KIAA1217: variants seen among roughly 807,000 people sequenced by gnomAD.
KIAA1217 encodes KIAA1217.
In KIAA1217, 88 loss-of-function variants were observed where a neutral mutation model predicts 163.9. The ratio of observed to expected loss-of-function variants is 0.54; its 90% CI spans 0.45 to 0.64. The LOEUF (loss-of-function observed/expected upper bound fraction) is 0.64. Among genes scored for constraint, KIAA1217 ranks in the 30% least tolerant of loss-of-function variants. The probability of loss-of-function intolerance (pLI) is 0.00; values close to 1 mark genes in which losing one functional copy is unlikely to be tolerated. For synonymous variants in KIAA1217, 903 were observed against 923.1 expected (o/e 0.98, Z 0.39); for missense variants, 2,372 against 2,475.0 (o/e 0.96, Z 0.88).
At chr10:24,173,704 C>T (rs914788669) in intron 2 of KIAA1217, among the ~76,000 whole-genome samples, 8 of 152,144 alleles carry the variant, frequency 5.3e-5, no homozygotes, top group African/African-American at 1.4e-4. Context: ...AATTGTTCCT[C>T]AATAATTCTA....
chr10:24,181,377 C>T (rs1310048423), intron 2 of KIAA1217, among the ~76,000 whole-genome samples: 4 of 152,098 alleles, frequency 2.6e-5, no homozygotes, highest in Non-Finnish European at 5.9e-5. Flanking sequence ...TGTAGAAAGG[C>T]TCTGAGGTGG....
intron 5 of KIAA1217, among the ~76,000 whole-genome samples, chr10:24,444,390 C>T (rs969438581): frequency 2.6e-5 from 4 of 152,202 alleles, no homozygotes; most frequent in African/African-American, 7.2e-5. Flanking sequence ...AGGAAGCTTT[C>T]GCTAATGCTC....
intron 1 of KIAA1217, among the ~76,000 whole-genome samples, chr10:23,736,316 T>A (rs2130799404): frequency 6.6e-6 from 1 of 152,344 alleles, no homozygotes; most frequent in Non-Finnish European, 1.5e-5. Flanking sequence ...GATTTAATTT[T>A]ATTTTTCCTA....
chr10:24,519,928 C>T (rs2070822224), intron 10 of KIAA1217, among the ~76,000 whole-genome samples, 195 bp from the exon 11 acceptor site: 1 of 152,168 alleles, frequency 6.6e-6, no homozygotes, highest in African/African-American at 2.4e-5. Context: ...CTTGTACCTG[C>T]CTCACACCAC....
intron 1 of KIAA1217, among the ~76,000 whole-genome samples, chr10:23,735,226 A>ATTTT (rs1838727636): frequency 6.6e-6 from 1 of 150,774 alleles, no homozygotes; most frequent in Non-Finnish European, 1.5e-5. Flanking sequence ...AAGCTGTATT[A>ATTTT]TTTTATTTAT....
chr10:23,923,408 G>A, intron 1 of KIAA1217, among the ~76,000 whole-genome samples: 1 of 152,184 alleles, frequency 6.6e-6, no homozygotes, highest in East Asian at 1.9e-4. Context: ...GCCCCTCAAA[G>A]ATGCCTACAT....
intron 1 of KIAA1217, among the ~76,000 whole-genome samples, chr10:23,887,944 A>G (rs1169626918): frequency 6.6e-6 from 1 of 151,950 alleles, no homozygotes; most frequent in Non-Finnish European, 1.5e-5. Context: ...TGAAATAGTT[A>G]TCTTTGTGAT....
At position 24,518,943 on chromosome 10, in the gene KIAA1217, C is replaced by T. The variant is rs1392402079; in HGVS notation, c.2178-1180C>T. Among the ~76,000 whole-genome samples the T allele has an allele frequency of 2.0e-5, 3 of 152,204 alleles. No individual in the cohort carries two copies. The South Asian group carries it at 6.2e-4, about 32-fold the overall frequency. The stretch of plus-strand genomic sequence containing the variant: ...TCAAAGACATCACCAAAAACTCCAT[C>T]CCACTTCTTGCAGGGGAGGAATTTG... On this transcript the variant is annotated intron_variant, in intron 10 of 20. Coordinates refer to ENST00000376454, the MANE Select transcript of KIAA1217 (RefSeq NM_019590.5).
chr10:24,074,763 G>A (rs144972450), intron 2 of KIAA1217, among the ~76,000 whole-genome samples: 317 of 143,884 alleles, frequency 2.2e-3, no homozygotes, highest in African/African-American at 7.1e-3. Flanking sequence ...GAGTGCAGTG[G>A]CCTGCACACT....
chr10:23,824,481 A>G (rs1837774744), intron 1 of KIAA1217, among the ~76,000 whole-genome samples: 1 of 147,934 alleles, frequency 6.8e-6, no homozygotes, highest in East Asian at 2.0e-4. Flanking sequence ...TACAAAAATT[A>G]GCTCAGCATG....
chr10:24,546,224 A>G lies in KIAA1217; in HGVS notation c.5732A>G (p.Lys1911Arg), dbSNP rs1564917748. The G allele has an allele frequency of 4.3e-6, 7 of 1,614,126 alleles. No individual in the cohort carries two copies. Among genetic ancestry groups the G allele is most frequent in the South Asian group, 1.1e-5 (1 of 91,080 alleles). Residue 1911 changes from lysine to arginine, a missense_variant, in exon 21 of 21, where the codon AAG becomes AGG. Lys to Arg is a conservative substitution (Grantham distance 26). Coordinates refer to ENST00000376454, the MANE Select transcript of KIAA1217 (RefSeq NM_019590.5). ...ASSVSLNQGA[K>R]GTRTIHTPSL... is the part of the protein sequence containing the mutation. ...TCCGTCTCACTGAATCAAGGTGCCA[A>G]GGGCACCAGGACCATCCATACTCCC...
intron 2 of KIAA1217, among the ~76,000 whole-genome samples, chr10:24,203,420 G>A (rs935462001): frequency 6.6e-6 from 1 of 152,124 alleles, no homozygotes; most frequent in African/African-American, 2.4e-5. Flanking sequence ...AGAGCCACAC[G>A]TTCGAGAATG....
chr10:23,739,166 C>T (rs1838967610), intron 1 of KIAA1217, among the ~76,000 whole-genome samples: 1 of 152,178 alleles, frequency 6.6e-6, no homozygotes, highest in South Asian at 2.1e-4. Flanking sequence ...TCAAATGCCA[C>T]ATATTCTCAC....
At chr10:24,009,392 T>A (rs1418783783) in intron 2 of KIAA1217, among the ~76,000 whole-genome samples, 4 of 151,614 alleles carry the variant, frequency 2.6e-5, no homozygotes, top group African/African-American at 7.3e-5. Context: ...TTTTTTTTTT[T>A]AAAGCCCAAA....
At chr10:24,423,324 G>A (rs548337240) in intron 3 of KIAA1217, among the ~76,000 whole-genome samples, 9 of 150,866 alleles carry the variant, frequency 6.0e-5, no homozygotes, top group South Asian at 2.1e-4. Context: ...TCAGTTTGTC[G>A]CCCAGGCTGG....
At chr10:24,128,704 A>T (rs2063550596) in intron 2 of KIAA1217, among the ~76,000 whole-genome samples, 1 of 152,190 alleles carries the variant, frequency 6.6e-6, no homozygotes, top group African/African-American at 2.4e-5. Flanking sequence ...TCCCAGGAGA[A>T]ATGGAGCACA....
intron 1 of KIAA1217, among the ~76,000 whole-genome samples, chr10:23,790,349 G>GCA (rs1835771077): frequency 2.4e-5 from 2 of 84,254 alleles, no homozygotes; most frequent in Non-Finnish European, 4.5e-5. Flanking sequence ...ATATACATAT[G>GCA]CATATATGCA....
intron 1 of KIAA1217, among the ~76,000 whole-genome samples, chr10:23,702,232 A>G (rs1836505539): frequency 1.3e-5 from 2 of 151,962 alleles, no homozygotes; most frequent in Admixed American, 6.6e-5. Flanking sequence ...GAGGGAGAGA[A>G]GAGAAGTGAA....
intron 10 of KIAA1217, among the ~76,000 whole-genome samples, chr10:24,517,477 G>A (rs932755765): frequency 6.6e-6 from 1 of 152,034 alleles, no homozygotes; most frequent in Non-Finnish European, 1.5e-5. Flanking sequence ...ATTATGCGTC[G>A]ATTTTTAAAA....
Sources: gnomAD v4.1 joint callset for allele counts (sites outside exome capture counted in the v4.1 genomes callset) on GRCh38, gnomAD v4.1.1 for gene constraint, MANE v1.5 for transcripts, NCBI Gene and HGNC (gene_info 2026-07-23, HGNC 2026-07-21) for gene names.